FHIT: variants seen among roughly 807,000 people sequenced by gnomAD.
FHIT encodes fragile histidine triad diadenosine triphosphatase, also known as bis(5'-adenosyl)-triphosphatase.
Under a neutral mutation model 17.9 loss-of-function variants are expected in FHIT, and 19 were observed. The ratio of observed to expected loss-of-function variants is 1.06; its 90% CI spans 0.74 to 1.56. The LOEUF (loss-of-function observed/expected upper bound fraction) is 1.56, where lower values mean the gene tolerates loss of function less well. Ranked by LOEUF, FHIT falls within the 40% of genes most tolerant of loss-of-function variation. The probability of loss-of-function intolerance (pLI) is 0.00; values close to 1 mark genes in which losing one functional copy is unlikely to be tolerated. For synonymous variants in FHIT, 81 were observed against 69.7 expected (o/e 1.16, Z -0.81); for missense variants, 248 against 189.2 (o/e 1.31, Z -1.82).
chr3:61,011,710 C>A (rs375669562), intron 3 of FHIT, among the ~76,000 whole-genome samples: 14 of 152,214 alleles, frequency 9.2e-5, no homozygotes, highest in African/African-American at 3.4e-4. Flanking sequence ...AAAGATCTCG[C>A]CTTTTCATCT....
chr3:60,644,847 C>A (rs1553686317), intron 4 of FHIT, among the ~76,000 whole-genome samples: 1 of 152,210 alleles, frequency 6.6e-6, no homozygotes, highest in African/African-American at 2.4e-5. Flanking sequence ...GCCCCTCCAC[C>A]TTATTAGCCA....
intron 4 of FHIT, among the ~76,000 whole-genome samples, chr3:60,683,773 C>T (rs1553697607): frequency 6.6e-6 from 1 of 152,150 alleles, no homozygotes; most frequent in East Asian, 1.9e-4. Context: ...TCAAGAAATT[C>T]ACTAGAGGGT....
At chr3:60,021,225 G>A (rs1559555218) in intron 5 of FHIT, among the ~76,000 whole-genome samples, 1 of 152,172 alleles carries the variant, frequency 6.6e-6, no homozygotes, top group Non-Finnish European at 1.5e-5. Flanking sequence ...TCAGAGATAT[G>A]ATGAGACCTT....
chr3:60,695,265 G>A (rs1357780474), intron 4 of FHIT, among the ~76,000 whole-genome samples: 6 of 152,034 alleles, frequency 3.9e-5, no homozygotes, highest in East Asian at 1.9e-4. Context: ...GTGTGGTGGC[G>A]GGTACCTGTA....
intron 4 of FHIT, among the ~76,000 whole-genome samples, chr3:60,788,637 C>G (rs766319579): frequency 1.8e-4 from 28 of 152,102 alleles, no homozygotes; most frequent in Non-Finnish European, 3.1e-4. Flanking sequence ...CTGTGCTATG[C>G]ATCTCCAGGG....
chr3:59,933,386 A>C (rs555448962), intron 7 of FHIT, among the ~76,000 whole-genome samples: 1 of 152,208 alleles, frequency 6.6e-6, no homozygotes, highest in Admixed American at 6.5e-5. Flanking sequence ...TGCCATTTAC[A>C]TAAGAATATT....
chr3:60,775,168 T>A (rs1326832008), intron 4 of FHIT, among the ~76,000 whole-genome samples: 3 of 152,172 alleles, frequency 2.0e-5, no homozygotes, highest in Admixed American at 6.5e-5. Flanking sequence ...GGCTTTTAAA[T>A]AAGGAATGTT....
chr3:60,900,318 G>A (rs1553762887), intron 3 of FHIT, among the ~76,000 whole-genome samples: 1 of 152,046 alleles, frequency 6.6e-6, no homozygotes, highest in East Asian at 1.9e-4. Flanking sequence ...CTAGCTACAT[G>A]GGAGGCTGAG....
intron 7 of FHIT, among the ~76,000 whole-genome samples, chr3:60,001,133 C>T (rs1699714522): frequency 6.6e-6 from 1 of 152,158 alleles, no homozygotes; most frequent in Non-Finnish European, 1.5e-5. Flanking sequence ...AGTATTAACC[C>T]AAATCTGCAA....
chr3:60,277,094 T>C (rs1259896498), intron 5 of FHIT, among the ~76,000 whole-genome samples: 1 of 152,138 alleles, frequency 6.6e-6, no homozygotes, highest in Non-Finnish European at 1.5e-5. Context: ...CTTAATTACC[T>C]GCTGAAGTCC....
chr3:60,191,373 A>T (rs1702396156), intron 5 of FHIT, among the ~76,000 whole-genome samples: 1 of 152,222 alleles, frequency 6.6e-6, no homozygotes, highest in African/African-American at 2.4e-5. Context: ...GTACTTAGAA[A>T]ACGGCAGGTT....
intron 1 of FHIT, among the ~76,000 whole-genome samples, chr3:61,245,865 T>C (rs2040476285): frequency 1.3e-5 from 2 of 152,168 alleles, no homozygotes; most frequent in South Asian, 2.1e-4. Context: ...CCATCTTCAA[T>C]AGGGGCTGAG....
At chr3:60,143,249 T>TA (rs1700113357) in intron 5 of FHIT, among the ~76,000 whole-genome samples, 1 of 152,180 alleles carries the variant, frequency 6.6e-6, no homozygotes, top group Non-Finnish European at 1.5e-5. Flanking sequence ...TCCACACCTG[T>TA]ATATGGCCTC....
intron 7 of FHIT, among the ~76,000 whole-genome samples, chr3:59,924,183 C>T (rs561176914): frequency 1.4e-4 from 21 of 152,284 alleles, no homozygotes; most frequent in African/African-American, 4.6e-4. Context: ...AGGAAAATAA[C>T]GTAGAACAAG....
intron 7 of FHIT, among the ~76,000 whole-genome samples, chr3:60,007,993 C>T (rs1011484724): frequency 6.6e-6 from 1 of 152,140 alleles, no homozygotes; most frequent in Non-Finnish European, 1.5e-5. Flanking sequence ...GTATGCAGAG[C>T]TAGCATATTT....
intron 7 of FHIT, among the ~76,000 whole-genome samples, chr3:59,954,554 G>A (rs750890305): frequency 7.2e-5 from 11 of 152,120 alleles, no homozygotes; most frequent in African/African-American, 1.4e-4. Context: ...TCTGCAATTC[G>A]AAACTCAAAA....
intron 4 of FHIT, among the ~76,000 whole-genome samples, chr3:60,661,573 G>C (rs181146788): frequency 7.9e-5 from 12 of 152,234 alleles, no homozygotes; most frequent in African/African-American, 2.9e-4. Flanking sequence ...ATACCCAATA[G>C]TGGGATTGTT....
intron 2 of FHIT, among the ~76,000 whole-genome samples, chr3:61,082,877 T>G: frequency 6.6e-6 from 1 of 152,052 alleles, no homozygotes; most frequent in East Asian, 1.9e-4. Flanking sequence ...GCTATTTTTC[T>G]CCCATCCAAG....
intron 5 of FHIT, among the ~76,000 whole-genome samples, chr3:60,212,830 C>T (rs772443604): frequency 2.0e-5 from 3 of 152,116 alleles, no homozygotes; most frequent in Non-Finnish European, 4.4e-5. Flanking sequence ...AAGGACATGG[C>T]GGAGCAATCC....
Sources: allele counts gnomAD v4.1 joint callset (sites outside exome capture counted in the v4.1 genomes callset), GRCh38; gene constraint gnomAD v4.1.1; transcripts MANE v1.5; gene names NCBI Gene and HGNC (gene_info 2026-07-23, HGNC 2026-07-21).